The following CEP290 variants were observed in gnomAD, a reference collection of about 807,000 sequenced individuals.
CEP290 encodes the protein centrosomal protein of 290 kDa.
A neutral mutation model predicts 344.9 loss-of-function variants in CEP290; 317 were observed. That is an observed-to-expected ratio of 0.92 (90% CI 0.84 to 1.01). The LOEUF is 1.01. Among genes scored for constraint, CEP290 ranks in the 50% least tolerant of loss-of-function variants. The pLI is 0.00. For missense variants in CEP290, 2,754 were observed against 2,761.4 expected, an observed-to-expected ratio of 1.00 and a Z score of 0.06; for synonymous variants, 932 against 895.8, an observed-to-expected ratio of 1.04 and a Z score of -0.72.
rs1267471683 is a variant in CEP290 at position 88,140,995 on chromosome 12, A to G, written c.141T>C (p.Asn47=). The G allele has an allele frequency of 2.5e-6, 4 of 1,591,432 alleles. No individual in the cohort carries two copies. Among genetic ancestry groups the G allele is most frequent in the Non-Finnish European group, 3.4e-6 (4 of 1,171,488 alleles). ...GAGTAATTCTGAAAAGGTGTATCAC[A>G]TTTTCTTGCTTTTCACTTTTTAGCT... ...VNELKSEKQE[N]VIHLFRITQS... is the part of the protein sequence containing the mutation. The change falls in exon 3 of 54, where the codon AAT becomes AAC. Residue 47 remains asparagine (N), a synonymous_variant. Coordinates refer to ENST00000552810, the MANE Select transcript of CEP290 (RefSeq NM_025114.4).
At chr12:88,096,445 A>G (rs1446593770) in intron 27 of CEP290, among the ~76,000 whole-genome samples, 1 of 152,172 alleles carries the variant, frequency 6.6e-6, no homozygotes, top group Non-Finnish European at 1.5e-5. Flanking sequence ...GAGCAAAAAT[A>G]TACAGTAATA....
At position 88,080,385 on chromosome 12, in the gene CEP290, T is replaced by C. The variant is rs886049880; in HGVS notation, c.5023A>G (p.Asn1675Asp). ...ACTTTTTTCACTTCATCTTCATGGT[T>C]TTCTTGAAGCCTGATGTAAATAAAC... ...FENIKLQLQE[N>D]HEDEVKKVKA... The change falls in exon 38 of 54, where the codon AAC (asparagine) becomes GAC (aspartate). Residue 1675 changes from asparagine to aspartate, a missense_variant. Transcript: ENST00000552810. 1 of 1,610,376 alleles carries C rather than the reference T, an allele frequency of 6.2e-7. No individual in the cohort carries two copies. The highest frequency in any genetic ancestry group is 8.5e-7 in the Non-Finnish European group (1 of 1,177,500).
chr12:88,132,242 C>G (rs1044968141), intron 6 of CEP290, among the ~76,000 whole-genome samples: 1 of 152,134 alleles, frequency 6.6e-6, no homozygotes, highest in African/African-American at 2.4e-5. Flanking sequence ...AAACCTCATT[C>G]CTCTTATGAC....
intron 27 of CEP290, among the ~76,000 whole-genome samples, chr12:88,095,631 T>C (rs966939697): frequency 6.6e-6 from 1 of 152,204 alleles, no homozygotes; most frequent in African/African-American, 2.4e-5. Context: ...TAAAAGTAGC[T>C]TATGTAAGAT....
intron 22 of CEP290, among the ~76,000 whole-genome samples, chr12:88,110,519 T>C (rs921415252): frequency 1.8e-4 from 28 of 152,012 alleles, no homozygotes; most frequent in African/African-American, 6.8e-4. Context: ...GAGACCAGCC[T>C]GGCCAATATG....
intron 18 of CEP290, among the ~76,000 whole-genome samples, chr12:88,116,485 T>C (rs927513561): frequency 6.6e-6 from 1 of 152,194 alleles, no homozygotes; most frequent in Non-Finnish European, 1.5e-5. Flanking sequence ...TGTGGGGTAT[T>C]GAATGATGAT....
intron 48 of CEP290, 110 bp from the exon 49 acceptor site, chr12:88,059,130 C>G: frequency 2.4e-6 from 2 of 820,986 alleles, no homozygotes; most frequent in Non-Finnish European, 3.6e-6. Context: ...TAACCTGGGG[C>G]TCTAAATGCT....
intron 20 of CEP290, among the ~76,000 whole-genome samples, chr12:88,112,500 A>G (rs2038762964): frequency 6.6e-6 from 1 of 152,132 alleles, no homozygotes. Context: ...ATATTAAAAT[A>G]TTATCAGAGT....
rs781454435 is a variant in CEP290 at position 88,102,987 on chromosome 12, C to T, written c.2842G>A (p.Ala948Thr). Residue 948 changes from alanine to threonine, a missense_variant, in exon 26 of 54, where the codon GCT (alanine) becomes ACT (threonine). Ala to Thr is a moderately conservative substitution (Grantham distance 58, BLOSUM62 0). Coordinates refer to ENST00000552810, the MANE Select transcript of CEP290 (RefSeq NM_025114.4). ...CTATTATCTACAACTTTTTGGAGAG[C>T]TGCAATCTTGAAAATGGCCATTTCC... ...FKEMAIFKIA[A>T]LQKVVDNSVS... The T allele has an allele frequency of 5.8e-6, 9 of 1,559,642 alleles. No individual in the cohort carries two copies. The highest frequency in any genetic ancestry group is 6.0e-6 in the Non-Finnish European group (7 of 1,160,100).
At chr12:88,061,933 C>T (rs977276511) in intron 46 of CEP290, among the ~76,000 whole-genome samples, 5 of 152,234 alleles carry the variant, frequency 3.3e-5, no homozygotes, top group Non-Finnish European at 5.9e-5. Flanking sequence ...CATGAGCCAC[C>T]ATGCCCAGCT....
chr12:88,117,901 T>G (rs2039151903), intron 17 of CEP290, among the ~76,000 whole-genome samples: 1 of 152,114 alleles, frequency 6.6e-6, no homozygotes, highest in African/African-American at 2.4e-5. Context: ...TCAGGCGTGG[T>G]GGCTCACGCC....
At position 88,071,414 on chromosome 12, in the gene CEP290, A is replaced by G; in HGVS notation, c.5891T>C (p.Leu1964Pro). 1 of 1,611,184 alleles carries G rather than the reference A, an allele frequency of 6.2e-7. No individual in the cohort carries two copies. Among genetic ancestry groups the G allele is most frequent in the Non-Finnish European group, 8.5e-7 (1 of 1,178,942 alleles). Residue 1964 changes from leucine to proline, a missense_variant, in exon 43 of 54, where the codon CTA becomes CCA. Coordinates refer to ENST00000552810, the MANE Select transcript of CEP290 (RefSeq NM_025114.4). ...ATCAACAGTCATGCCAGTTGTTTTT[A>G]GTTTCCTCTGCAAAGTAAGTTTCTC... The part of the protein sequence containing the change: ...DKEKLTLQRK[L>P]KTTGMTVDQV...
intron 25 of CEP290, chr12:88,103,272 A>G (rs1336013982): frequency 9.2e-6 from 2 of 217,128 alleles, no homozygotes; most frequent in Non-Finnish European, 1.8e-5. Context: ...AATTAATTTG[A>G]GAAAACATAA....
chr12:88,131,274 T>G, intron 6 of CEP290, 56 bp from the exon 7 acceptor site: 5 of 1,188,096 alleles, frequency 4.2e-6, no homozygotes, highest in African/African-American at 1.6e-5. Context: ...AGCAGTAATT[T>G]TTTTTTTTTT....
Position 88,077,370 on chromosome 12 carries a change from T to C in CEP290, c.5587-26A>G. ...CTAAAAAATAAAATGTAACTTTATA[T>C]TTTTACAAATAAATGTAAAACAAAA... is the stretch of plus-strand genomic sequence containing the variant. On this transcript the variant is annotated intron_variant, in intron 40 of 53. Coordinates refer to ENST00000552810, the MANE Select transcript of CEP290 (RefSeq NM_025114.4). 2.9e-6 allele frequency: 4 copies of C among 1,359,276 alleles called. No homozygotes were observed. In the South Asian group the frequency reaches 4.4e-5, roughly 15 times the overall value. The allele number at this position is 1,359,276 out of a possible 1,614,324, so 84.2% of individuals were successfully genotyped here.
chr12:88,128,118 T>C (rs988261035), intron 11 of CEP290, among the ~76,000 whole-genome samples: 5 of 152,168 alleles, frequency 3.3e-5, no homozygotes, highest in African/African-American at 1.2e-4. Context: ...GTATTGTCAA[T>C]GGCTGCTTTC....
At chr12:88,071,641 A>T in intron 42 of CEP290, 140 bp downstream of exon 42, 1 of 853,368 alleles carries the variant, frequency 1.2e-6, no homozygotes, top group Non-Finnish European at 1.7e-6. Flanking sequence ...AAGAAAATAA[A>T]AAGTAAGTAA....
At chr12:88,120,969 C>T in intron 14 of CEP290, 28 bp downstream of exon 14, 1 of 1,588,796 alleles carries the variant, frequency 6.3e-7, no homozygotes, top group Non-Finnish European at 8.6e-7. Flanking sequence ...ATTCTAAGCT[C>T]CTTGAATGAC....
chr12:88,114,413 A>T lies in CEP290; in HGVS notation c.2052+7T>A, dbSNP rs1341344972. 5.9e-6 allele frequency: 9 copies of T among 1,536,502 alleles called. No homozygotes were observed. In the South Asian group the frequency reaches 1.1e-4, roughly 19 times the overall value. ...GGAAAAACATTAACATGAAAAAAAT[A>T]ACTTACATTAACTAGTCTTTCAAGG... On this transcript the variant is annotated splice_region_variant and intron_variant, in intron 20 of 53. Transcript: ENST00000552810.
Sources: allele counts gnomAD v4.1 joint callset (sites outside exome capture counted in the v4.1 genomes callset), GRCh38; gene constraint gnomAD v4.1.1; transcripts MANE v1.5; gene names NCBI Gene and HGNC (gene_info 2026-07-23, HGNC 2026-07-21).